Variants in ITGA8 observed in about 807,000 individuals in gnomAD.
ITGA8 encodes the protein integrin subunit alpha 8.
A neutral mutation model predicts 142.3 loss-of-function variants in ITGA8; 91 were observed. The ratio of observed to expected loss-of-function variants is 0.64; its 90% CI spans 0.54 to 0.76. The LOEUF (loss-of-function observed/expected upper bound fraction) is 0.76, where lower values mean the gene tolerates loss of function less well. Among genes scored for constraint, ITGA8 ranks in the 30% least tolerant of loss-of-function variants. ITGA8 has a pLI of 0.00. For synonymous variants in ITGA8, 505 were observed against 485.2 expected, an observed-to-expected ratio of 1.04 and a Z score of -0.54; for missense variants, 1,406 against 1,327.7, an observed-to-expected ratio of 1.06 and a Z score of -0.92.
intron 2 of ITGA8, among the ~76,000 whole-genome samples, chr10:15,714,792 G>T (rs1588747934): frequency 1.3e-5 from 2 of 152,340 alleles, no homozygotes; most frequent in Admixed American, 1.3e-4. Flanking sequence ...CTGGGACTCA[G>T]TTATAGGGCT....
intron 11 of ITGA8, among the ~76,000 whole-genome samples, chr10:15,651,817 C>T (rs762246209): frequency 6.6e-6 from 1 of 152,100 alleles, no homozygotes; most frequent in Non-Finnish European, 1.5e-5. Flanking sequence ...TAATTTCAGA[C>T]TTCACTTGAG....
chr10:15,546,624 G>C (rs945996014), intron 27 of ITGA8, among the ~76,000 whole-genome samples: 1 of 151,908 alleles, frequency 6.6e-6, no homozygotes, highest in Admixed American at 6.6e-5. Context: ...AACACAGCGC[G>C]ATCTGGTCTA....
chr10:15,577,124 C>T (rs1381346121), intron 23 of ITGA8, among the ~76,000 whole-genome samples: 1 of 152,182 alleles, frequency 6.6e-6, no homozygotes, highest in East Asian at 1.9e-4. Flanking sequence ...TATCCATTGT[C>T]CATTGTGAGG....
chr10:15,616,828 T>A (rs528945880), intron 13 of ITGA8, among the ~76,000 whole-genome samples: 1 of 152,178 alleles, frequency 6.6e-6, no homozygotes, highest in Non-Finnish European at 1.5e-5. Flanking sequence ...CGCATCACTT[T>A]TCCTATCCTT....
intron 23 of ITGA8, among the ~76,000 whole-genome samples, chr10:15,585,247 A>G (rs1352724132): frequency 6.6e-6 from 1 of 152,248 alleles, no homozygotes; most frequent in Non-Finnish European, 1.5e-5. Context: ...ATTTCTGAGC[A>G]TGAGCTCTGG....
Position 15,549,201 on chromosome 10 carries a change from G to GTTTTTT in ITGA8, c.2767-639_2767-634dup, listed in dbSNP as rs67683436. Among the ~76,000 whole-genome samples, 33 of 107,328 alleles carry GTTTTTT rather than the reference G, an allele frequency of 3.1e-4. 4 individuals carry two copies. The highest frequency in any genetic ancestry group is 1.7e-3 in the African/African-American group (31 of 18,660). 70.4% of individuals were successfully genotyped at this position (107,328 alleles called of 152,430 possible). ...TTCTTTCTTTTTTCTTTTCTTTTCT[G>GTTTTTT]TTTTTTTTTTTTTTTTTTTTTTTTT... On this transcript the variant is annotated intron_variant, in intron 26 of 29. Transcript: ENST00000378076.
At position 15,586,353 on chromosome 10, in the gene ITGA8, CTGGCATAAAGTGATTTCTTGTTT is replaced by C. The variant is rs566575625; in HGVS notation, c.2372+208_2372+230del. Among the ~76,000 whole-genome samples the C allele has an allele frequency of 3.3e-3, 495 of 152,090 alleles. 3 individuals are homozygous for C. The highest frequency in any genetic ancestry group is 0.011 in the African/African-American group (472 of 41,490). ...GGAGTATAGGCATGAGCCACCGCGC[CTGGCATAAAGTGATTTCTTGTTT>C]TGATATTCTTGGAGTTAATTGTTAT... On this transcript the variant is annotated intron_variant, in intron 23 of 29. Transcript: ENST00000378076.
chr10:15,686,198 C>A (rs764143461), intron 3 of ITGA8, among the ~76,000 whole-genome samples: 4 of 152,192 alleles, frequency 2.6e-5, no homozygotes, highest in African/African-American at 9.6e-5. Flanking sequence ...CAATGTATAA[C>A]TATTTTTAGT....
chr10:15,616,388 G>A (rs1404556475), intron 14 of ITGA8, 126 bp downstream of exon 14: 1 of 771,446 alleles, frequency 1.3e-6, no homozygotes, highest in Non-Finnish European at 2.2e-6. Flanking sequence ...AATACCTCTA[G>A]ACTTTAAAAA....
At chr10:15,585,393 G>C (rs1832810575) in intron 23 of ITGA8, among the ~76,000 whole-genome samples, 1 of 152,150 alleles carries the variant, frequency 6.6e-6, no homozygotes, top group Non-Finnish European at 1.5e-5. Flanking sequence ...ACCCAGAAGG[G>C]AACAGTGTAT....
At chr10:15,579,582 T>C (rs1260597525) in intron 23 of ITGA8, among the ~76,000 whole-genome samples, 2 of 152,104 alleles carry the variant, frequency 1.3e-5, no homozygotes, top group Non-Finnish European at 2.9e-5. Flanking sequence ...AAAGTTCATA[T>C]ACATTAATTG....
intron 25 of ITGA8, among the ~76,000 whole-genome samples, chr10:15,559,220 G>A (rs1222357144): frequency 1.3e-5 from 2 of 152,192 alleles, no homozygotes; most frequent in Non-Finnish European, 2.9e-5. Context: ...GCTGGCCTTG[G>A]CCGGTTTCTC....
Position 15,659,108 on chromosome 10 carries a change from T to C in ITGA8, c.892-53A>G. The C allele has an allele frequency of 3.9e-6, 5 of 1,266,186 alleles. No individual in the cohort carries two copies. In the South Asian group the frequency reaches 5.7e-5, roughly 14 times the overall value. 78.4% of individuals were successfully genotyped at this position (1,266,186 alleles called of 1,614,324 possible). A position where few individuals can be genotyped will look rare whatever the true frequency, so the allele number is the denominator to read the frequency against. On this transcript the variant is annotated intron_variant, in intron 9 of 29. Transcript: ENST00000378076. The stretch of plus-strand genomic sequence containing the variant: ...CACCATTTGCCATAGAATTGGAGCC[T>C]TTTTTAAAAACTACAACTTGAATCA...
At chr10:15,627,931 C>A (rs1833614302) in intron 13 of ITGA8, among the ~76,000 whole-genome samples, 1 of 151,500 alleles carries the variant, frequency 6.6e-6, no homozygotes, top group African/African-American at 2.4e-5. Flanking sequence ...GTAAAGAAGT[C>A]GGTCAAAACC....
At position 15,516,036 on chromosome 10, in the gene ITGA8, T is replaced by A. The variant is rs1237382673; in HGVS notation, c.*1122A>T. On this transcript the variant is annotated 3_prime_UTR_variant, in exon 30 of 30. Coordinates refer to ENST00000378076, the MANE Select transcript of ITGA8 (RefSeq NM_003638.3). ...TTGTCTAAGTTATATTCAACATGTT[T>A]TCTCTGTGTATACAAGTACAAGGCA... 1.3e-5 allele frequency: 2 copies of A among 152,174 alleles called. No homozygotes were observed. 9.4% of individuals were successfully genotyped at this position (152,174 alleles called of 1,614,324 possible). A position where few individuals can be genotyped will look rare whatever the true frequency, so the allele number is the denominator to read the frequency against.
At chr10:15,534,506 T>C (rs1358017760) in intron 27 of ITGA8, among the ~76,000 whole-genome samples, 1 of 152,222 alleles carries the variant, frequency 6.6e-6, no homozygotes, top group Non-Finnish European at 1.5e-5. Flanking sequence ...ACCACATGAA[T>C]GAAGGGTGAA....
At chr10:15,604,575 T>C (rs529357165) in intron 19 of ITGA8, among the ~76,000 whole-genome samples, 1 of 115,288 alleles carries the variant, frequency 8.7e-6, no homozygotes, top group South Asian at 2.8e-4. Context: ...AACAACCAGT[T>C]CTCAAAAAAA....
At chr10:15,682,844 AC>A (rs1016567739) in intron 4 of ITGA8, among the ~76,000 whole-genome samples, 1 of 104,642 alleles carries the variant, frequency 9.6e-6, no homozygotes, top group African/African-American at 3.5e-5. Flanking sequence ...ACAGAGTGAG[AC>A]CCTGTCTCAA....
intron 13 of ITGA8, among the ~76,000 whole-genome samples, chr10:15,626,592 C>T (rs1833587017): frequency 6.6e-6 from 1 of 152,084 alleles, no homozygotes; most frequent in Non-Finnish European, 1.5e-5. Flanking sequence ...ACCCTCGATT[C>T]CCTTGTCGTG....
Sources: gnomAD v4.1 joint callset for allele counts (sites outside exome capture counted in the v4.1 genomes callset) on GRCh38, gnomAD v4.1.1 for gene constraint, MANE v1.5 for transcripts, NCBI Gene and HGNC (gene_info 2026-07-23, HGNC 2026-07-21) for gene names.